SYN3: variants seen among roughly 807,000 people sequenced by gnomAD.
SYN3 encodes synapsin III, also known as synapsin-3.
A neutral mutation model predicts 65.8 loss-of-function variants in SYN3; 35 were observed. The observed-to-expected ratio is 0.53, with a 90% confidence interval of 0.41 to 0.70. The LOEUF (loss-of-function observed/expected upper bound fraction) is 0.70, where lower values mean the gene tolerates loss of function less well. SYN3 is among the 30% of genes least tolerant of loss of function. The pLI, the probability that SYN3 is intolerant of heterozygous loss-of-function variation, is 0.00. For synonymous variants in SYN3, 270 were observed against 292.9 expected (o/e 0.92, Z 0.80); for missense variants, 680 against 749.0 (o/e 0.91, Z 1.08).
intron 4 of SYN3, among the ~76,000 whole-genome samples, chr22:32,871,427 G>T (rs2048846226): frequency 6.6e-6 from 1 of 152,044 alleles, no homozygotes; most frequent in Non-Finnish European, 1.5e-5. Flanking sequence ...TGTCTTTACG[G>T]ATTTGGAAAT....
At chr22:32,692,091 G>A (rs2060668512) in intron 6 of SYN3, among the ~76,000 whole-genome samples, 1 of 126,378 alleles carries the variant, frequency 7.9e-6, no homozygotes, top group Non-Finnish European at 1.5e-5. Flanking sequence ...GAGCTGCTGT[G>A]GTCATTGTTT....
At chr22:33,009,425 A>G (rs2053291347) in intron 1 of SYN3, among the ~76,000 whole-genome samples, 1 of 152,124 alleles carries the variant, frequency 6.6e-6, no homozygotes, top group African/African-American at 2.4e-5. Flanking sequence ...TTTTGTGGAT[A>G]TCTATTCAAA....
At chr22:32,979,246 T>G (rs1026838432) in intron 3 of SYN3, among the ~76,000 whole-genome samples, 1 of 151,766 alleles carries the variant, frequency 6.6e-6, no homozygotes, top group Non-Finnish European at 1.5e-5. Flanking sequence ...TCACCTCTCC[T>G]CCTAGACCAC....
chr22:32,996,557 C>T (rs919504166), intron 2 of SYN3, among the ~76,000 whole-genome samples: 1 of 152,062 alleles, frequency 6.6e-6, no homozygotes, highest in Non-Finnish European at 1.5e-5. Flanking sequence ...ACCTGTCAGC[C>T]TAGAGTTCTC....
At chr22:32,593,143 G>T (rs572633625) in intron 7 of SYN3, among the ~76,000 whole-genome samples, 11 of 152,162 alleles carry the variant, frequency 7.2e-5, no homozygotes, top group African/African-American at 2.4e-4. Context: ...TCATCAACTT[G>T]GTCGAGACTG....
intron 1 of SYN3, among the ~76,000 whole-genome samples, chr22:33,054,330 C>T (rs2054220764): frequency 6.6e-6 from 1 of 152,222 alleles, no homozygotes; most frequent in South Asian, 2.1e-4. Context: ...CTAAGCACAA[C>T]CTGCTCCTCG....
At chr22:32,906,302 C>T (rs2049900640) in intron 4 of SYN3, among the ~76,000 whole-genome samples, 1 of 152,020 alleles carries the variant, frequency 6.6e-6, no homozygotes, top group Non-Finnish European at 1.5e-5. Flanking sequence ...ATCAAGATCC[C>T]CTGGAGTGGG....
At chr22:32,767,835 A>T (rs185657348) in intron 6 of SYN3, among the ~76,000 whole-genome samples, 10 of 152,188 alleles carry the variant, frequency 6.6e-5, no homozygotes, top group Admixed American at 4.6e-4. Flanking sequence ...CTCTACCAAC[A>T]CTTCCTTCTC....
chr22:32,887,349 G>A (rs2049321151), intron 4 of SYN3, among the ~76,000 whole-genome samples: 1 of 151,788 alleles, frequency 6.6e-6, no homozygotes, highest in South Asian at 2.1e-4. Flanking sequence ...CTGCACTTCA[G>A]CCTAGGCAAC....
intron 13 of SYN3, 28 bp downstream of exon 13, chr22:32,518,015 T>C (rs772296832): frequency 4.0e-6 from 6 of 1,509,258 alleles, no homozygotes; most frequent in Non-Finnish European, 5.3e-6. Context: ...CTCTATCCTA[T>C]ACCTTTTCCA....
chr22:32,957,556 G>A lies in SYN3; in HGVS notation c.369+23089C>T, dbSNP rs567523380. On this transcript the variant is annotated intron_variant, in intron 3 of 13. Coordinates refer to ENST00000358763, the MANE Select transcript of SYN3 (RefSeq NM_003490.4). ...AAAATGAAGAAGAAAAAAGCCCCGC[G>A]CTCTCCCCACCGGCACAGCTTATGT... Among the ~76,000 whole-genome samples, 14 of 152,258 alleles carry A rather than the reference G, an allele frequency of 9.2e-5. No homozygotes were observed. The East Asian group carries it at 1.4e-3, about 15-fold the overall frequency.
chr22:32,517,958 C>T (rs2057805779), intron 13 of SYN3, 85 bp downstream of exon 13: 1 of 1,367,000 alleles, frequency 7.3e-7, no homozygotes, highest in South Asian at 2.3e-5. Context: ...CTTCCTTTGT[C>T]TCCAAGTCCC....
At chr22:32,615,317 C>T (rs1227953328) in intron 6 of SYN3, among the ~76,000 whole-genome samples, 1 of 151,018 alleles carries the variant, frequency 6.6e-6, no homozygotes, top group Non-Finnish European at 1.5e-5. Context: ...CGCCTGTAAT[C>T]CCAGCTACTT....
chr22:32,765,273 C>A (rs1443832222), intron 6 of SYN3, among the ~76,000 whole-genome samples: 1 of 151,962 alleles, frequency 6.6e-6, no homozygotes, highest in Non-Finnish European at 1.5e-5. Context: ...AAAGAAAGTA[C>A]AAGGCGAGGA....
chr22:32,865,720 G>A (rs2048671417), intron 5 of SYN3, among the ~76,000 whole-genome samples: 1 of 152,182 alleles, frequency 6.6e-6, no homozygotes, highest in Non-Finnish European at 1.5e-5. Context: ...TGTCTCCGGA[G>A]CTCAAAGGTG....
chr22:32,917,100 C>A (rs1601690245), intron 4 of SYN3, among the ~76,000 whole-genome samples: 2 of 152,166 alleles, frequency 1.3e-5, no homozygotes, highest in Admixed American at 1.3e-4. Flanking sequence ...ATATTTCAGG[C>A]ACTAACAATT....
chr22:32,628,927 C>G (rs899070229), intron 6 of SYN3, among the ~76,000 whole-genome samples: 2 of 152,102 alleles, frequency 1.3e-5, no homozygotes, highest in Non-Finnish European at 2.9e-5. Flanking sequence ...CTCCCAGGTG[C>G]CCTGTTGGGC....
At chr22:32,680,677 T>G (rs2060511060) in intron 6 of SYN3, among the ~76,000 whole-genome samples, 1 of 152,216 alleles carries the variant, frequency 6.6e-6, no homozygotes, top group African/African-American at 2.4e-5. Flanking sequence ...GATTCAGAAT[T>G]TCCTATTTGT....
intron 6 of SYN3, among the ~76,000 whole-genome samples, chr22:32,690,637 C>T (rs1387510701): frequency 1.3e-5 from 2 of 152,126 alleles, no homozygotes; most frequent in African/African-American, 2.4e-5. Context: ...GTCAGGCAGG[C>T]GATATCAGGA....
Sources: gnomAD v4.1 joint callset for allele counts (sites outside exome capture counted in the v4.1 genomes callset) on GRCh38, gnomAD v4.1.1 for gene constraint, MANE v1.5 for transcripts, NCBI Gene and HGNC (gene_info 2026-07-23, HGNC 2026-07-21) for gene names.